ZNF385D: variants seen among roughly 807,000 people sequenced by gnomAD.
ZNF385D encodes zinc finger protein 385D, also known as zinc finger protein 659.
In ZNF385D, 15 loss-of-function variants were observed where a neutral mutation model predicts 35.8. The observed-to-expected ratio is 0.42, with a 90% CI of 0.28 to 0.64. The LOEUF is 0.64. ZNF385D is among the 30% of genes least tolerant of loss of function. The pLI, the probability that ZNF385D is intolerant of heterozygous loss-of-function variation, is 0.23. For missense variants in ZNF385D, 474 were observed against 494.6 expected (o/e 0.96, Z 0.39); for synonymous variants, 212 against 186.8 (o/e 1.13, Z -1.10).
chr3:22,157,933 G>A (rs952014568), intron 3 of ZNF385D, among the ~76,000 whole-genome samples: 1 of 152,068 alleles, frequency 6.6e-6, no homozygotes, highest in Non-Finnish European at 1.5e-5. Context: ...ATAGAGTCTA[G>A]ATGTCCTTTA....
intron 1 of ZNF385D, among the ~76,000 whole-genome samples, chr3:21,727,031 A>G (rs1010980305): frequency 1.3e-5 from 2 of 152,196 alleles, no homozygotes; most frequent in Non-Finnish European, 2.9e-5. Context: ...ATCTACAGCC[A>G]TCTGATCTTT....
At chr3:22,294,957 A>T (rs1702490392) in intron 2 of ZNF385D, among the ~76,000 whole-genome samples, 1 of 152,128 alleles carries the variant, frequency 6.6e-6, no homozygotes. Context: ...GACCAGGGGT[A>T]TAACTATCTA....
chr3:21,474,912 T>C (rs1575004046), intron 4 of ZNF385D, among the ~76,000 whole-genome samples: 1 of 152,252 alleles, frequency 6.6e-6, no homozygotes, highest in East Asian at 1.9e-4. Context: ...ATATCTGGTG[T>C]AATTGATAAG....
intron 3 of ZNF385D, among the ~76,000 whole-genome samples, chr3:22,048,599 C>T (rs34710829): frequency 0.23 from 35,115 of 151,984 alleles, 4,289 homozygotes; most frequent in South Asian, 0.36. Context: ...GTTCTATTGG[C>T]CTATGTGTCT....
chr3:22,101,156 T>A (rs1175813690), intron 3 of ZNF385D, among the ~76,000 whole-genome samples: 1 of 151,996 alleles, frequency 6.6e-6, no homozygotes, highest in Non-Finnish European at 1.5e-5. Context: ...CAAAAATAAA[T>A]AAGTTACTGT....
At chr3:22,034,987 G>T (rs1054033752) in intron 3 of ZNF385D, among the ~76,000 whole-genome samples, 1 of 151,850 alleles carries the variant, frequency 6.6e-6, no homozygotes, top group Non-Finnish European at 1.5e-5. Flanking sequence ...TTATAAAATG[G>T]TACAATTTTT....
intron 3 of ZNF385D, among the ~76,000 whole-genome samples, chr3:21,807,734 T>A (rs909504145): frequency 1.3e-5 from 2 of 152,198 alleles, no homozygotes; most frequent in African/African-American, 2.4e-5. Context: ...ATCATTTGTA[T>A]AATTTCTTGA....
chr3:22,366,034 A>AT (rs918070023), intron 2 of ZNF385D, among the ~76,000 whole-genome samples: 6 of 151,526 alleles, frequency 4.0e-5, no homozygotes, highest in Admixed American at 1.3e-4. Context: ...ATAAGCTAAA[A>AT]TTTTTTTTTA....
intron 3 of ZNF385D, among the ~76,000 whole-genome samples, chr3:22,117,253 G>T (rs1702860311): frequency 6.6e-6 from 1 of 151,956 alleles, no homozygotes. Context: ...GGGCTCCCTA[G>T]GGGATTAAAT....
intron 3 of ZNF385D, among the ~76,000 whole-genome samples, chr3:22,061,696 C>T (rs574919161): frequency 3.9e-4 from 60 of 152,150 alleles, no homozygotes; most frequent in Admixed American, 1.0e-3. Flanking sequence ...GTCAAAGAGG[C>T]CTTCTATGAC....
chr3:21,570,128 A>T (rs575942515), intron 2 of ZNF385D, among the ~76,000 whole-genome samples: 6 of 152,078 alleles, frequency 3.9e-5, no homozygotes, highest in Non-Finnish European at 7.4e-5. Context: ...AACTACCCAA[A>T]CAAAAATGAA....
At chr3:22,368,950 A>G (rs905872794) in intron 2 of ZNF385D, among the ~76,000 whole-genome samples, 1 of 152,214 alleles carries the variant, frequency 6.6e-6, no homozygotes, top group African/African-American at 2.4e-5. Flanking sequence ...TGTTCAAAAT[A>G]TAAATTACAC....
At position 21,780,853 on chromosome 3, in the gene ZNF385D, T is replaced by G. The variant is rs551717729; in HGVS notation, c.326-115825A>C. On this transcript the variant is annotated intron_variant, in intron 3 of 5. Coordinates refer to the ZNF385D transcript ENST00000494108. ...GCAAGGATTTTCTGTAAGATCCACT[T>G]AGTAAAACAGCTTTGGTTGTCCAAA... Among the ~76,000 whole-genome samples the G allele has an allele frequency of 3.2e-4, 49 of 152,174 alleles. No homozygotes were observed. The East Asian group carries it at 9.3e-3, about 29-fold the overall frequency.
intron 3 of ZNF385D, among the ~76,000 whole-genome samples, chr3:22,128,289 C>A (rs893641748): frequency 7.9e-5 from 12 of 152,158 alleles, no homozygotes; most frequent in Middle Eastern, 3.4e-3. Flanking sequence ...TTATTTATTT[C>A]TTTTCTCTTG....
At chr3:21,500,214 T>A (rs1220857435) in intron 4 of ZNF385D, among the ~76,000 whole-genome samples, 1 of 152,190 alleles carries the variant, frequency 6.6e-6, no homozygotes, top group Non-Finnish European at 1.5e-5. Flanking sequence ...TAAAACTTAT[T>A]GATTATGTAC....
chr3:21,755,924 A>G (rs1320618391), upstream of ZNF385D, among the ~76,000 whole-genome samples: 3 of 152,354 alleles, frequency 2.0e-5, no homozygotes, highest in East Asian at 5.8e-4. Flanking sequence ...CAAGGCCAAT[A>G]TGCTAGAGTA....
intron 3 of ZNF385D, among the ~76,000 whole-genome samples, chr3:22,139,111 A>G (rs1704333955): frequency 6.6e-6 from 1 of 152,184 alleles, no homozygotes; most frequent in African/African-American, 2.4e-5. Context: ...AAAGTCAGGA[A>G]ACAACAGGTA....
chr3:22,314,829 T>C (rs1703795633), intron 2 of ZNF385D, among the ~76,000 whole-genome samples: 1 of 152,112 alleles, frequency 6.6e-6, no homozygotes, highest in Admixed American at 6.6e-5. Flanking sequence ...GCCTGGACTA[T>C]GTGGTTTCCT....
At chr3:22,016,597 ATCT>A (rs745707577) in intron 3 of ZNF385D, among the ~76,000 whole-genome samples, 5 of 152,172 alleles carry the variant, frequency 3.3e-5, no homozygotes, top group Admixed American at 2.0e-4. Flanking sequence ...TCTGAATCAC[ATCT>A]TCTCATTTTC....
Sources: gnomAD v4.1 joint callset for allele counts (sites outside exome capture counted in the v4.1 genomes callset) on GRCh38, gnomAD v4.1.1 for gene constraint, MANE v1.5 for transcripts, NCBI Gene and HGNC (gene_info 2026-07-23, HGNC 2026-07-21) for gene names.